CDH5: variants seen among roughly 807,000 people sequenced by gnomAD.
The protein encoded by CDH5 is cadherin-5.
In CDH5, 28 loss-of-function variants were observed where a neutral mutation model predicts 62.0. The observed-to-expected ratio is 0.45, with a 90% CI of 0.33 to 0.62. CDH5 has a LOEUF of 0.62. Among genes scored for constraint, CDH5 ranks in the 20% least tolerant of loss-of-function variants. CDH5 has a pLI of 0.02. For synonymous variants in CDH5, 464 were observed against 445.8 expected (o/e 1.04, Z -0.52); for missense variants, 940 against 1,065.1 (o/e 0.88, Z 1.63).
chr16:66,369,957 G>A (rs1057448793), intron 1 of CDH5, among the ~76,000 whole-genome samples: 1 of 151,636 alleles, frequency 6.6e-6, no homozygotes, highest in African/African-American at 2.4e-5. Context: ...GCTCAGGGGT[G>A]TTTGCATATT....
chr16:66,402,001 G>A (rs117025207), intron 11 of CDH5, among the ~76,000 whole-genome samples: 3,410 of 152,208 alleles, frequency 0.022, 55 homozygotes, highest in Non-Finnish European at 0.032. Flanking sequence ...CTCCAGCAGA[G>A]ATTTCTCCTT....
chr16:66,373,151 A>T (rs539551085), intron 1 of CDH5, among the ~76,000 whole-genome samples: 1 of 152,084 alleles, frequency 6.6e-6, no homozygotes, highest in African/African-American at 2.4e-5. Context: ...GGTGCCCCAA[A>T]TCTACCTGGC....
chr16:66,391,901 G>C (rs1485490200), intron 6 of CDH5, among the ~76,000 whole-genome samples: 1 of 152,244 alleles, frequency 6.6e-6, no homozygotes, highest in East Asian at 1.9e-4. Flanking sequence ...CACACAGCCA[G>C]GGTTGTGGGT....
intron 5 of CDH5, 22 bp from the exon 6 acceptor site, chr16:66,390,381 T>C (rs750012112): frequency 6.9e-6 from 11 of 1,595,596 alleles, no homozygotes; most frequent in Non-Finnish European, 9.4e-6. Context: ...CAAAGCCCTT[T>C]GGGGTGCTCT....
At chr16:66,383,593 C>T (rs1960932936) in intron 2 of CDH5, among the ~76,000 whole-genome samples, 1 of 152,044 alleles carries the variant, frequency 6.6e-6, no homozygotes, top group African/African-American at 2.4e-5. Context: ...ACCATCTTAT[C>T]CTCACCTTGA....
chr16:66,383,329 C>G lies in CDH5; in HGVS notation c.211-3480C>G, dbSNP rs138323470. Among the ~76,000 whole-genome samples, 11 of 152,248 alleles carry G rather than the reference C, an allele frequency of 7.2e-5. No individual in the cohort carries two copies. In the East Asian group the frequency reaches 2.1e-3, roughly 29 times the overall value. Reference sequence around the variant, plus strand: ...ATGCACCACATTCATGTAAGATGTTCATACTCCGGGAAAAAGAGGAGCAGG... The same window carrying G: ...ATGCACCACATTCATGTAAGATGTTGATACTCCGGGAAAAAGAGGAGCAGG... On this transcript the variant is annotated intron_variant, in intron 2 of 11. Coordinates refer to ENST00000341529, the MANE Select transcript of CDH5 (RefSeq NM_001795.5).
rs535077546 is a variant in CDH5, at chr16:66,390,263, G to C, written c.782-140G>C. 455 of 641,554 alleles carry C rather than the reference G, an allele frequency of 7.1e-4. 13 individuals are homozygous for C. The South Asian group carries it at 0.011, about 15-fold the overall frequency. The allele number at this position is 641,554 out of a possible 1,614,324, so 39.7% of individuals were successfully genotyped here. On this transcript the variant is annotated intron_variant, in intron 5 of 11. Coordinates refer to ENST00000341529, the MANE Select transcript of CDH5 (RefSeq NM_001795.5). ...ATAGGGAAGACCCTCTTTACCTTGA[G>C]AATCCCAGGGGTATTATTATTTATG...
intron 8 of CDH5, among the ~76,000 whole-genome samples, chr16:66,396,504 A>C (rs1280622126): frequency 6.6e-6 from 1 of 152,140 alleles, no homozygotes; most frequent in East Asian, 1.9e-4. Context: ...CTGTGACGAG[A>C]ATCACCCAAG....
intron 5 of CDH5, 100 bp from the exon 6 acceptor site, chr16:66,390,303 C>A: frequency 1.2e-6 from 1 of 858,302 alleles, no homozygotes; most frequent in South Asian, 2.1e-5. Flanking sequence ...TTTTATTATG[C>A]CCATTTCTTT....
intron 2 of CDH5, among the ~76,000 whole-genome samples, chr16:66,381,920 C>G (rs1447029189): frequency 1.3e-5 from 2 of 152,246 alleles, no homozygotes; most frequent in South Asian, 2.1e-4. Context: ...TTTACAGAAA[C>G]AGTTTACCCA....
Position 66,398,446 on chromosome 16 carries a change from C to A in CDH5, c.1486-10C>A, listed in dbSNP as rs775289876. 4.5e-6 allele frequency: 7 copies of A among 1,561,246 alleles called. No individual in the cohort carries two copies. Among genetic ancestry groups the A allele is most frequent in the Middle Eastern group, 3.4e-4 (2 of 5,944 alleles). ...CCATCACTGACCATCTCCTGTCTTC[C>A]ACACTCCAGCTGGTCCTGCAGATCT... On this transcript the variant is annotated splice_polypyrimidine_tract_variant and intron_variant, in intron 9 of 11. Coordinates refer to ENST00000341529, the MANE Select transcript of CDH5 (RefSeq NM_001795.5).
chr16:66,379,805 G>A (rs1360274123), intron 2 of CDH5, among the ~76,000 whole-genome samples: 2 of 152,128 alleles, frequency 1.3e-5, no homozygotes, highest in African/African-American at 4.8e-5. Context: ...GGTGGGAGTG[G>A]TGAGAATGGT....
chr16:66,385,658 A>C (rs1376421720), intron 2 of CDH5, among the ~76,000 whole-genome samples: 3 of 152,246 alleles, frequency 2.0e-5, no homozygotes, highest in Admixed American at 2.0e-4. Flanking sequence ...AGGCCAAGAC[A>C]AGACAGGAGA....
Position 66,401,082 on chromosome 16 carries a change from G to A in CDH5, c.1837+66G>A, listed in dbSNP as rs564722377. On this transcript the variant is annotated intron_variant, in intron 11 of 11. Transcript: ENST00000341529. ...AAGGGGATGGAAGGTGTTGGGAGGC[G>A]GGGAGGCTTCACAGGAAAAGTAGAG... is the stretch of plus-strand genomic sequence containing the variant. 1.1e-4 allele frequency: 180 copies of A among 1,603,110 alleles called. 1 individual carries two copies. In the African/African-American group the frequency reaches 1.7e-3, roughly 15 times the overall value.
Position 66,395,971 on chromosome 16 carries a change from A to T in CDH5, c.1218-88A>T. The stretch of plus-strand genomic sequence containing the variant: ...GGGCATGGAGTGGGATGCAGGGGAC[A>T]GATGCAGAAGGGCCTTGTCCATCAT... On this transcript the variant is annotated intron_variant, in intron 7 of 11. Transcript: ENST00000341529. 2.9e-6 allele frequency: 4 copies of T among 1,363,664 alleles called. No homozygotes were observed. In the East Asian group the frequency reaches 9.2e-5, roughly 32 times the overall value. The allele number at this position is 1,363,664 out of a possible 1,614,324, so 84.5% of individuals were successfully genotyped here.
chr16:66,401,456 C>T (rs914297032), intron 11 of CDH5, among the ~76,000 whole-genome samples: 9 of 152,212 alleles, frequency 5.9e-5, no homozygotes, highest in East Asian at 1.9e-4. Context: ...ATTGTCTCCA[C>T]GTGCTTTCTT....
At chr16:66,384,078 CTTTT>C (rs35435487) in intron 2 of CDH5, among the ~76,000 whole-genome samples, 1 of 71,356 alleles carries the variant, frequency 1.4e-5, no homozygotes, top group African/African-American at 5.9e-5. Flanking sequence ...GGAGTCCAGC[CTTTT>C]TTTTTTTTTT....
intron 8 of CDH5, among the ~76,000 whole-genome samples, chr16:66,397,747 G>T (rs1311696215): frequency 6.6e-6 from 1 of 151,862 alleles, no homozygotes; most frequent in Non-Finnish European, 1.5e-5. Flanking sequence ...GCACTTAGGT[G>T]GTTTACCTTT....
At chr16:66,388,942 TAAC>T (rs1487682590) in intron 4 of CDH5, among the ~76,000 whole-genome samples, 1 of 152,016 alleles carries the variant, frequency 6.6e-6, no homozygotes, top group East Asian at 1.9e-4. Flanking sequence ...TGTGATGACT[TAAC>T]AAAAAATATA....
Sources: gnomAD v4.1 joint callset for allele counts (sites outside exome capture counted in the v4.1 genomes callset) on GRCh38, gnomAD v4.1.1 for gene constraint, MANE v1.5 for transcripts, NCBI Gene and HGNC (gene_info 2026-07-23, HGNC 2026-07-21) for gene names.